The following ACTN4 variants were observed in gnomAD, a reference collection of about 807,000 sequenced individuals.
The protein encoded by ACTN4 is actinin alpha 4, also known as alpha-actinin-4.
In ACTN4, 18 loss-of-function variants were observed where a neutral mutation model predicts 114.2. The observed-to-expected ratio is 0.16, with a 90% confidence interval of 0.11 to 0.23. The LOEUF is 0.23. Ranked by LOEUF, ACTN4 falls within the 10% of genes least tolerant of loss-of-function variation. The pLI, the probability that ACTN4 is intolerant of heterozygous loss-of-function variation, is 1.00. For missense variants in ACTN4, 722 were observed against 1,262.9 expected (o/e 0.57, Z 6.49); for synonymous variants, 515 against 506.3 (o/e 1.02, Z -0.23).
intron 1 of ACTN4, among the ~76,000 whole-genome samples, chr19:38,648,634 A>C (rs1320821777): frequency 6.6e-6 from 1 of 151,740 alleles, no homozygotes; most frequent in Non-Finnish European, 1.5e-5. Flanking sequence ...GGAAGAAGTT[A>C]AGGGGCCCGT....
rs1214116327 is a variant in ACTN4, at chr19:38,731,306, G to A, written c.*1874G>A. On this transcript the variant is annotated 3_prime_UTR_variant, in exon 21 of 21. Transcript: ENST00000252699. Reference sequence around the variant, plus strand: ...ATCCCCACCCCACCTCCTCAGGGAGGACATGAATGCCACAGGGTGTCACAC... The same window carrying A: ...ATCCCCACCCCACCTCCTCAGGGAGAACATGAATGCCACAGGGTGTCACAC... 2.8e-6 allele frequency: 3 copies of A among 1,061,930 alleles called. No homozygotes were observed. The highest frequency in any genetic ancestry group is 1.6e-5 in the African/African-American group (1 of 64,462). 65.8% of individuals were successfully genotyped at this position (1,061,930 alleles called of 1,614,324 possible).
At chr19:38,663,365 G>A (rs756489713) in intron 1 of ACTN4, among the ~76,000 whole-genome samples, 33 of 152,342 alleles carry the variant, frequency 2.2e-4, no homozygotes, top group Non-Finnish European at 4.6e-4. Flanking sequence ...GCCTTTAGGG[G>A]TATGAGAGAA....
chr19:38,657,269 A>G (rs1976739278), intron 1 of ACTN4, among the ~76,000 whole-genome samples: 1 of 151,912 alleles, frequency 6.6e-6, no homozygotes, highest in Non-Finnish European at 1.5e-5. Context: ...CAGCTTCCCA[A>G]GTAGCTGGGA....
chr19:38,701,144 A>AG (rs1357681501), intron 3 of ACTN4, 23 bp downstream of exon 3: 1 of 1,613,404 alleles, frequency 6.2e-7, no homozygotes, highest in Non-Finnish European at 8.5e-7. Context: ...TGGGGCAGCG[A>AG]GGGTCCTGCT....
At chr19:38,686,412 T>A (rs1407019563) in intron 1 of ACTN4, among the ~76,000 whole-genome samples, 1 of 150,562 alleles carries the variant, frequency 6.6e-6, no homozygotes, top group Non-Finnish European at 1.5e-5. Context: ...CTGTAAGCAT[T>A]GAAAGTAAAT....
At chr19:38,687,225 G>GCCC (rs35837513) in intron 1 of ACTN4, among the ~76,000 whole-genome samples, 1 of 151,846 alleles carries the variant, frequency 6.6e-6, no homozygotes, top group Non-Finnish European at 1.5e-5. Flanking sequence ...ACCTGCCTCA[G>GCCC]CCCCCCCAAA....
intron 3 of ACTN4, among the ~76,000 whole-genome samples, chr19:38,702,820 A>T (rs1968326979): frequency 6.6e-6 from 1 of 152,150 alleles, no homozygotes; most frequent in South Asian, 2.1e-4. Context: ...CCCCGGGGGA[A>T]GGTGAGCCCC....
chr19:38,709,568 A>G lies in ACTN4; in HGVS notation c.733+92A>G, dbSNP rs1968572855. ...TCGGGCAAGGGGCTGTGGGCACATC[A>G]GAGCTTTGGGTCACCTTGGGGAGCT... On this transcript the variant is annotated intron_variant, in intron 7 of 20. Transcript: ENST00000252699. 4.3e-6 allele frequency: 5 copies of G among 1,152,610 alleles called. No individual in the cohort carries two copies. The Admixed American group carries it at 5.2e-5, about 12-fold the overall frequency. 71.4% of individuals were successfully genotyped at this position (1,152,610 alleles called of 1,614,324 possible).
At chr19:38,721,739 C>G in intron 12 of ACTN4, 51 bp downstream of exon 12, 1 of 1,604,344 alleles carries the variant, frequency 6.2e-7, no homozygotes, top group Non-Finnish European at 8.5e-7. Flanking sequence ...CCACAGCCTG[C>G]CCAGACTGGT....
intron 1 of ACTN4, among the ~76,000 whole-genome samples, chr19:38,659,827 T>C (rs1468050231): frequency 5.9e-5 from 9 of 152,112 alleles, no homozygotes; most frequent in Admixed American, 5.9e-4. Context: ...TGAGGGTCTT[T>C]GGGGAGTGTG....
At chr19:38,700,578 G>C in intron 1 of ACTN4, 22 bp from the exon 2 acceptor site, 1 of 1,597,676 alleles carries the variant, frequency 6.3e-7, no homozygotes, top group Non-Finnish European at 8.6e-7. Flanking sequence ...TCTGCGCACT[G>C]TCCTTTGTTC....
rs1649771739 is a variant in ACTN4 at position 38,667,435 on chromosome 19, A to AAT, written c.162+19531_162+19532dup. Among the ~76,000 whole-genome samples the AAT allele has an allele frequency of 2.0e-5, 3 of 152,182 alleles. No individual in the cohort carries two copies. The South Asian group carries it at 6.2e-4, about 32-fold the overall frequency. On this transcript the variant is annotated intron_variant, in intron 1 of 20. Coordinates refer to ENST00000252699, the MANE Select transcript of ACTN4 (RefSeq NM_004924.6). The stretch of plus-strand genomic sequence containing the variant: ...CACAAGGGGTGGGGGGTGTCTCAGA[A>AAT]ATATTCTTAGCTGGGTTCAACTTTC...
At chr19:38,721,952 C>T in intron 12 of ACTN4, 5 of 557,224 alleles carry the variant, frequency 9.0e-6, no homozygotes, top group East Asian at 3.4e-5. Context: ...CTTGATTCTT[C>T]AGGCTTTAGG....
At chr19:38,708,274 C>A in intron 6 of ACTN4, 79 bp downstream of exon 6, 1 of 1,480,172 alleles carries the variant, frequency 6.8e-7, no homozygotes, top group Non-Finnish European at 9.4e-7. Flanking sequence ...CATCCCCATG[C>A]CCTTCCATCG....
chr19:38,694,990 T>G (rs1968047400), intron 1 of ACTN4, among the ~76,000 whole-genome samples: 1 of 152,178 alleles, frequency 6.6e-6, no homozygotes, highest in South Asian at 2.1e-4. Flanking sequence ...TCTTCCCACC[T>G]CAGCCTCTCG....
In ACTN4 at chr19:38,731,537, G is replaced by A. The variant is rs1969612574; in HGVS notation, c.*2105G>A. 2 of 420,348 alleles carry A rather than the reference G, an allele frequency of 4.8e-6. No homozygotes were observed. The highest frequency in any genetic ancestry group is 2.7e-5 in the South Asian group (1 of 36,514). The allele number at this position is 420,348 out of a possible 1,614,324, so 26.0% of individuals were successfully genotyped here. On this transcript the variant is annotated 3_prime_UTR_variant, in exon 21 of 21. Transcript: ENST00000252699. ...CCTGTGGGGCTTTCTCCTTGCCAGT[G>A]GGCACTGGAGGATATTTCTGTGCAG... is the stretch of plus-strand genomic sequence containing the variant.
chr19:38,659,501 A>G (rs985270748), intron 1 of ACTN4, among the ~76,000 whole-genome samples: 1 of 152,150 alleles, frequency 6.6e-6, no homozygotes, highest in African/African-American at 2.4e-5. Context: ...CTTGACTCCT[A>G]TTAGCCTTGT....
At chr19:38,686,358 G>T (rs560156410) in intron 1 of ACTN4, among the ~76,000 whole-genome samples, 1 of 152,296 alleles carries the variant, frequency 6.6e-6, no homozygotes, top group East Asian at 1.9e-4. Context: ...GTTTAAACCA[G>T]ATGATCTGTA....
At chr19:38,728,526 G>A (rs1214264624) in intron 19 of ACTN4, 10 of 532,718 alleles carry the variant, frequency 1.9e-5, no homozygotes, top group African/African-American at 9.4e-5. Flanking sequence ...CAGCGCAGCC[G>A]TGCCTGCCTC....
Sources: allele counts gnomAD v4.1 joint callset (sites outside exome capture counted in the v4.1 genomes callset), GRCh38; gene constraint gnomAD v4.1.1; transcripts MANE v1.5; gene names NCBI Gene and HGNC (gene_info 2026-07-23, HGNC 2026-07-21).